The following TRIM51G variants were observed in gnomAD, a reference collection of about 807,000 sequenced individuals.
TRIM51G encodes the protein tripartite motif-containing 51G.
the TRIM51G span, among the ~76,000 whole-genome samples, chr11:48,982,177 C>G: frequency 1.3e-5 from 2 of 152,028 alleles, no homozygotes; most frequent in Non-Finnish European, 2.9e-5. Context: ...AAAACAAAAA[C>G]AACCCCAGAA....
At chr11:48,979,653 G>A in the TRIM51G span, among the ~76,000 whole-genome samples, 3 of 151,784 alleles carry the variant, frequency 2.0e-5, no homozygotes, top group Non-Finnish European at 2.9e-5. Flanking sequence ...TACTGCACAT[G>A]CTGTTTTCTA....
At chr11:48,982,947 GTATATATACATATATATATATATA>G in the TRIM51G span, among the ~76,000 whole-genome samples, 113 of 85,790 alleles carry the variant, frequency 1.3e-3, no homozygotes, top group Middle Eastern at 0.014. Flanking sequence ...AGTATTTTTG[GTATATATACATATATATATATATA>G]TATATATATA....
At chr11:48,983,725 T>G in the TRIM51G span, among the ~76,000 whole-genome samples, 1 of 151,982 alleles carries the variant, frequency 6.6e-6, no homozygotes, top group African/African-American at 2.4e-5. Flanking sequence ...TTTCTCCATA[T>G]AAGTTGCACT....
the TRIM51G span, chr11:48,979,092 C>G: frequency 1.2e-6 from 1 of 812,438 alleles, no homozygotes; most frequent in South Asian, 1.3e-5. Flanking sequence ...TATCCTTAAA[C>G]TCACATAATC....
At chr11:48,978,712 T>A in the TRIM51G span, among the ~76,000 whole-genome samples, 5 of 152,184 alleles carry the variant, frequency 3.3e-5, no homozygotes, top group African/African-American at 9.6e-5. Context: ...GTAGAATCAC[T>A]AGGAGAGGCT....
At chr11:48,982,816 G>A in the TRIM51G span, among the ~76,000 whole-genome samples, 1 of 136,408 alleles carries the variant, frequency 7.3e-6, no homozygotes, top group Non-Finnish European at 1.6e-5. Context: ...AACATCATAG[G>A]GTATACTTAC....
chr11:48,976,128 A>T, the TRIM51G span: 1 of 354,764 alleles, frequency 2.8e-6, no homozygotes, highest in East Asian at 7.4e-5. Context: ...GAGAATTTTG[A>T]TTACAACATT....
At chr11:48,980,944 T>G in the TRIM51G span, 1 of 501,978 alleles carries the variant, frequency 2.0e-6, no homozygotes, top group Non-Finnish European at 4.1e-6. Context: ...ATATTCAGGT[T>G]TCTGTGATTT....
chr11:48,980,669 T>A, the TRIM51G span, among the ~76,000 whole-genome samples: 1 of 152,144 alleles, frequency 6.6e-6, no homozygotes, highest in Non-Finnish European at 1.5e-5. Flanking sequence ...GGAGTATTGC[T>A]ATAGGTTTGT....
the TRIM51G span, chr11:48,978,735 C>T: frequency 1.4e-5 from 8 of 578,304 alleles, no homozygotes; most frequent in Non-Finnish European, 2.3e-5. Context: ...ACCCTCCCAA[C>T]CAAGTAGCAT....
chr11:48,979,114 A>G, the TRIM51G span: 3 of 755,920 alleles, frequency 4.0e-6, no homozygotes, highest in African/African-American at 3.4e-5. Context: ...TGCAGTGACA[A>G]TTAGTCAAAA....
chr11:48,975,568 A>G, the TRIM51G span: 6 of 1,382,912 alleles, frequency 4.3e-6, no homozygotes, highest in Non-Finnish European at 6.2e-6. Context: ...GGTGTATATC[A>G]GGGAACTTCT....
At chr11:48,982,104 A>C in the TRIM51G span, among the ~76,000 whole-genome samples, 1 of 152,114 alleles carries the variant, frequency 6.6e-6, no homozygotes, top group East Asian at 1.9e-4. Context: ...ACAAAACATG[A>C]GAAGATGGTC....
At chr11:48,980,961 A>AGC in the TRIM51G span, 1 of 516,154 alleles carries the variant, frequency 1.9e-6, no homozygotes, top group Non-Finnish European at 3.9e-6. Context: ...ATTTTCACAC[A>AGC]TTTTTCTCCA....
At chr11:48,977,219 C>G in the TRIM51G span, 499 of 871,810 alleles carry the variant, frequency 5.7e-4, 4 homozygotes, top group African/African-American at 6.3e-3. Context: ...TATCAACAGC[C>G]AAAAAAATAC....
At chr11:48,979,802 C>CGT in the TRIM51G span, among the ~76,000 whole-genome samples, 1 of 147,572 alleles carries the variant, frequency 6.8e-6, no homozygotes, top group South Asian at 2.1e-4. Context: ...CATATATATC[C>CGT]ATATATATAT....
chr11:48,980,303 A>G, the TRIM51G span, among the ~76,000 whole-genome samples: 1 of 152,088 alleles, frequency 6.6e-6, no homozygotes, highest in Non-Finnish European at 1.5e-5. Flanking sequence ...TCAAGTCCTT[A>G]GAGTTCTCCT....
chr11:48,981,590 G>T, the TRIM51G span: 20 of 1,601,274 alleles, frequency 1.2e-5, no homozygotes, highest in Non-Finnish European at 1.7e-5. Context: ...AAACAGGGCC[G>T]GCAAAAGCTG....
chr11:48,979,011 C>T, the TRIM51G span: 2 of 1,264,708 alleles, frequency 1.6e-6, no homozygotes, highest in Admixed American at 3.4e-5. Flanking sequence ...CTTTTGCAGC[C>T]TCTCCAAGTG....
Sources: gnomAD v4.1 joint callset for allele counts (sites outside exome capture counted in the v4.1 genomes callset) on GRCh38, gnomAD v4.1.1 for gene constraint, MANE v1.5 for transcripts, NCBI Gene and HGNC (gene_info 2026-07-23, HGNC 2026-07-21) for gene names.